Variants in PLXNA4 observed in about 807,000 individuals in gnomAD.
The protein encoded by PLXNA4 is plexin-A4.
In PLXNA4, 44 loss-of-function variants were observed where a neutral mutation model predicts 191.8. The observed-to-expected ratio is 0.23, with a 90% CI of 0.18 to 0.29. PLXNA4 has a LOEUF of 0.29. Ranked by LOEUF, PLXNA4 falls within the 10% of genes least tolerant of loss-of-function variation. The pLI is 1.00. For missense variants in PLXNA4, 1,800 were observed against 2,488.8 expected (o/e 0.72, Z 5.89); for synonymous variants, 1,082 against 1,009.5 (o/e 1.07, Z -1.36).
chr7:132,145,328 G>T, intron 28 of PLXNA4, 40 bp from the exon 29 acceptor site: 1 of 1,610,344 alleles, frequency 6.2e-7, no homozygotes, highest in South Asian at 1.1e-5. Context: ...CTCGACTCAC[G>T]TAGTTCTGAG....
At chr7:132,556,358 C>T (rs1800802303) in intron 1 of PLXNA4, among the ~76,000 whole-genome samples, 1 of 152,208 alleles carries the variant, frequency 6.6e-6, no homozygotes, top group Non-Finnish European at 1.5e-5. Context: ...TTGAGGCAGA[C>T]AGCAGGATCC....
intron 3 of PLXNA4, among the ~76,000 whole-genome samples, chr7:132,379,065 G>T (rs191894077): frequency 4.6e-5 from 7 of 152,166 alleles, no homozygotes; most frequent in Non-Finnish European, 7.4e-5. Context: ...TGGCCAAACT[G>T]GTCTCGAACT....
intron 3 of PLXNA4, among the ~76,000 whole-genome samples, chr7:132,365,302 G>C (rs1804108078): frequency 6.6e-6 from 1 of 151,614 alleles, no homozygotes; most frequent in Admixed American, 6.6e-5. Context: ...TCCATGCCCT[G>C]CTCCCCCGGT....
At chr7:132,525,347 T>C (rs1050940150) in intron 1 of PLXNA4, among the ~76,000 whole-genome samples, 1 of 152,180 alleles carries the variant, frequency 6.6e-6, no homozygotes, top group African/African-American at 2.4e-5. Flanking sequence ...ACACTTGGAC[T>C]CAAACAATCC....
At chr7:132,555,286 C>T (rs1800754445) in intron 1 of PLXNA4, among the ~76,000 whole-genome samples, 1 of 152,174 alleles carries the variant, frequency 6.6e-6, no homozygotes, top group South Asian at 2.1e-4. Context: ...AGAGGTCATA[C>T]TCTGACAGAG....
At chr7:132,567,101 G>C (rs1026026578) in intron 1 of PLXNA4, among the ~76,000 whole-genome samples, 2 of 152,128 alleles carry the variant, frequency 1.3e-5, no homozygotes, top group African/African-American at 4.8e-5. Flanking sequence ...CCAATAACCT[G>C]AAAAGCAGTG....
chr7:132,236,245 T>C (rs1798696359), intron 5 of PLXNA4, among the ~76,000 whole-genome samples: 1 of 152,208 alleles, frequency 6.6e-6, no homozygotes, highest in Non-Finnish European at 1.5e-5. Context: ...CAATCACATG[T>C]GCTGACTCTC....
In PLXNA4 at chr7:132,129,426, A is replaced by G. The variant is rs2671104; in HGVS notation, c.*1053T>C. On this transcript the variant is annotated 3_prime_UTR_variant, in exon 32 of 32. Coordinates refer to ENST00000321063, the MANE Select transcript of PLXNA4 (RefSeq NM_020911.2). Reference sequence around the variant, plus strand: ...GTCTATGGAGTTCTCAGGAAGGATGATGGGGATGGAGCCATGGAGATGGCT... The same window carrying G: ...GTCTATGGAGTTCTCAGGAAGGATGGTGGGGATGGAGCCATGGAGATGGCT... 0.92 allele frequency: 140,746 copies of G among 152,332 alleles called. 65,152 individuals carry two copies. The highest frequency in any genetic ancestry group is 1 in the East Asian group (5,158 of 5,162). The allele number at this position is 152,332 out of a possible 1,614,324, so 9.4% of individuals were successfully genotyped here. A position where few individuals can be genotyped will look rare whatever the true frequency, so the allele number is the denominator to read the frequency against.
intron 1 of PLXNA4, among the ~76,000 whole-genome samples, chr7:132,510,844 C>T (rs1340785736): frequency 2.0e-5 from 3 of 152,140 alleles, no homozygotes; most frequent in Non-Finnish European, 2.9e-5. Context: ...GTCTGGAGAA[C>T]ATAGTTCATG....
chr7:132,132,463 T>TTCTGTTCTGTTCTGCTCTGCTCTGC (rs1563048301), intron 31 of PLXNA4, among the ~76,000 whole-genome samples: 5 of 65,606 alleles, frequency 7.6e-5, no homozygotes, highest in Admixed American at 3.5e-4. Context: ...TTCTGTTCTG[T>TTCTGTTCTGTTCTGCTCTGCTCTGC]TCTGCTCTGC....
chr7:132,450,818 G>A (rs1796092771), intron 3 of PLXNA4, among the ~76,000 whole-genome samples: 1 of 152,186 alleles, frequency 6.6e-6, no homozygotes, highest in South Asian at 2.1e-4. Flanking sequence ...GGAGCACTCT[G>A]TCCCACTATG....
intron 9 of PLXNA4, among the ~76,000 whole-genome samples, chr7:132,215,005 G>A (rs1025095307): frequency 6.6e-5 from 10 of 152,078 alleles, no homozygotes; most frequent in Admixed American, 1.3e-4. Flanking sequence ...CCCAGGTTGC[G>A]TCTTGTCCCT....
chr7:132,286,442 G>A (rs1800686069), intron 4 of PLXNA4, among the ~76,000 whole-genome samples: 1 of 152,176 alleles, frequency 6.6e-6, no homozygotes, highest in Non-Finnish European at 1.5e-5. Context: ...GTTAGGAGAA[G>A]GCGCAATAAT....
rs1344123257 is a variant in PLXNA4, at chr7:132,128,004, A to AT, written c.*2474_*2475insA. On this transcript the variant is annotated 3_prime_UTR_variant, in exon 32 of 32. Transcript: ENST00000321063. ...CTCTTAACTGTGCAAAAAAAAAAAA[A>AT]AAAAATCAAAATGCACTCACTCATA... The AT allele has an allele frequency of 6.6e-6, 1 of 151,074 alleles. No individual in the cohort carries two copies. The highest frequency in any genetic ancestry group is 2.4e-5 in the African/African-American group (1 of 41,000). The allele number at this position is 151,074 out of a possible 1,614,324, so 9.4% of individuals were successfully genotyped here.
chr7:132,418,099 G>C (rs1440416018), intron 3 of PLXNA4, among the ~76,000 whole-genome samples: 1 of 152,150 alleles, frequency 6.6e-6, no homozygotes, highest in Non-Finnish European at 1.5e-5. Context: ...CCAGCTCTTT[G>C]CTGAGTCCTT....
chr7:132,265,699 A>T lies in PLXNA4; in HGVS notation c.1504-24533T>A, dbSNP rs111767212. Among the ~76,000 whole-genome samples the T allele has an allele frequency of 7.1e-3, 1,086 of 152,312 alleles. 24 individuals are homozygous for T. The highest frequency in any genetic ancestry group is 0.025 in the African/African-American group (1,023 of 41,570). On this transcript the variant is annotated intron_variant, in intron 4 of 31. Coordinates refer to ENST00000321063, the MANE Select transcript of PLXNA4 (RefSeq NM_020911.2). ...CGTACACAGACCCTAGCAGATACAC[A>T]TGTGAATCTGGGTAGTCCCTGAAGA...
chr7:132,157,827 T>C (rs1196664833), intron 25 of PLXNA4, among the ~76,000 whole-genome samples: 1 of 152,216 alleles, frequency 6.6e-6, no homozygotes, highest in Non-Finnish European at 1.5e-5. Flanking sequence ...ACTCAATTGT[T>C]TGGACGTGGG....
chr7:132,160,182 A>C (rs905362904), intron 24 of PLXNA4, among the ~76,000 whole-genome samples: 2 of 152,202 alleles, frequency 1.3e-5, no homozygotes, highest in Non-Finnish European at 2.9e-5. Context: ...TTCAATTTTT[A>C]TGAAGGTTTC....
chr7:132,315,019 C>A (rs1481942799), intron 3 of PLXNA4, among the ~76,000 whole-genome samples: 2 of 152,202 alleles, frequency 1.3e-5, no homozygotes, highest in Non-Finnish European at 2.9e-5. Context: ...TAAGGATAAT[C>A]TTATCCACTC....
Sources: allele counts gnomAD v4.1 joint callset (sites outside exome capture counted in the v4.1 genomes callset), GRCh38; gene constraint gnomAD v4.1.1; transcripts MANE v1.5; gene names NCBI Gene and HGNC (gene_info 2026-07-23, HGNC 2026-07-21).